The following ABL2 variants were observed in gnomAD, a reference collection of about 807,000 sequenced individuals.
ABL2 encodes tyrosine-protein kinase ABL2.
In ABL2, 49 loss-of-function variants were observed where a neutral mutation model predicts 107.7. The observed-to-expected ratio is 0.45, with a 90% confidence interval of 0.36 to 0.58. ABL2 has a LOEUF of 0.58. Ranked by LOEUF, ABL2 falls within the 20% of genes least tolerant of loss-of-function variation. The pLI, the probability that ABL2 is intolerant of heterozygous loss-of-function variation, is 0.00. For missense variants in ABL2, 1,245 were observed against 1,457.0 expected, an observed-to-expected ratio of 0.85 and a Z score of 2.37; for synonymous variants, 549 against 548.6, an observed-to-expected ratio of 1.00 and a Z score of -0.01.
At chr1:179,123,095 G>A (rs749241393) in intron 4 of ABL2, among the ~76,000 whole-genome samples, 4 of 152,252 alleles carry the variant, frequency 2.6e-5, no homozygotes, top group Middle Eastern at 3.4e-3. Context: ...CCTTAATCTT[G>A]TAAAAAACAT....
chr1:179,197,572 A>T (rs893673722), intron 1 of ABL2, among the ~76,000 whole-genome samples: 3 of 151,446 alleles, frequency 2.0e-5, no homozygotes, highest in Non-Finnish European at 2.9e-5. Flanking sequence ...AAAAAAAAAA[A>T]AATTAAAAAA....
rs1653137755 is a variant in ABL2 at position 179,102,003 on chromosome 1, T to TTTTTTTTTTTTTTTTC, written c.*5714_*5715insGAAAAAAAAAAAAAAA. ...AGCTTTGCATTAGAATTTCTTTTTT[T>TTTTTTTTTTTTTTTTC]TTTTTTTTTTTTTTTTTTTTTTTTT... On this transcript the variant is annotated 3_prime_UTR_variant, in exon 12 of 12. Transcript: ENST00000502732. 1 of 27,400 alleles carries TTTTTTTTTTTTTTTTC rather than the reference T, an allele frequency of 3.6e-5. No individual in the cohort carries two copies. Among genetic ancestry groups the TTTTTTTTTTTTTTTTC allele is most frequent in the Non-Finnish European group, 7.1e-5 (1 of 14,040 alleles). The allele number at this position is 27,400 out of a possible 1,614,324, so 1.7% of individuals were successfully genotyped here.
At chr1:179,223,109 CAAAAAAAAAAAA>C (rs35137729) in intron 1 of ABL2, among the ~76,000 whole-genome samples, 2 of 69,276 alleles carry the variant, frequency 2.9e-5, no homozygotes, top group African/African-American at 1.3e-4. Context: ...GGCTCCCTCT[CAAAAAAAAAAAA>C]AAAAAAAAAA....
chr1:179,125,872 T>C (rs1655679625), intron 4 of ABL2, among the ~76,000 whole-genome samples: 1 of 152,264 alleles, frequency 6.6e-6, no homozygotes, highest in Non-Finnish European at 1.5e-5. Context: ...GTAAACACAC[T>C]GTAACACATC....
intron 4 of ABL2, among the ~76,000 whole-genome samples, chr1:179,124,670 T>C (rs1655575386): frequency 6.6e-6 from 1 of 152,014 alleles, no homozygotes; most frequent in Non-Finnish European, 1.5e-5. Context: ...GGTTTCACCA[T>C]GTTTGTGGGG....
Position 179,188,485 on chromosome 1 carries a change from T to C in ABL2, c.157+40756A>G, listed in dbSNP as rs114572578. Among the ~76,000 whole-genome samples the C allele has an allele frequency of 5.3e-3, 797 of 150,592 alleles. 7 individuals are homozygous for C. Among genetic ancestry groups the C allele is most frequent in the African/African-American group, 0.018 (754 of 40,916 alleles). On this transcript the variant is annotated intron_variant, in intron 1 of 11. Coordinates refer to ENST00000502732, the MANE Select transcript of ABL2 (RefSeq NM_007314.4). ...TTGTTTGAACGCGGGAGGTAGAGGT[T>C]GCAGTAAGCCGAGATCACACCACCA...
chr1:179,122,315 G>T (rs962419761), intron 4 of ABL2, among the ~76,000 whole-genome samples: 1 of 150,494 alleles, frequency 6.6e-6, no homozygotes, highest in Admixed American at 6.6e-5. Flanking sequence ...TGCAGACAGG[G>T]TCTCACTATT....
At chr1:179,218,349 C>T (rs1049990666) in intron 1 of ABL2, among the ~76,000 whole-genome samples, 4 of 152,192 alleles carry the variant, frequency 2.6e-5, no homozygotes, top group African/African-American at 9.7e-5. Flanking sequence ...AGAGTTAGTA[C>T]ATTACATCCT....
intron 1 of ABL2, among the ~76,000 whole-genome samples, chr1:179,150,997 A>AT (rs1389512688): frequency 2.6e-5 from 4 of 152,166 alleles, no homozygotes; most frequent in Non-Finnish European, 4.4e-5. Context: ...GCAATGAAGT[A>AT]TTTTTTAATT....
Position 179,104,212 on chromosome 1 carries a change from T to A in ABL2, c.*3506A>T. 4.3e-6 allele frequency: 1 copy of A among 230,650 alleles called. No homozygotes were observed. The highest frequency in any genetic ancestry group is 6.2e-5 in the East Asian group (1 of 16,244). The allele number at this position is 230,650 out of a possible 1,614,324, so 14.3% of individuals were successfully genotyped here. The stretch of plus-strand genomic sequence containing the variant: ...TCTCATTTAATCCTTACAACAACCC[T>A]GAGGTAGTTACTATTATTATCCCTG... On this transcript the variant is annotated 3_prime_UTR_variant, in exon 12 of 12. Transcript: ENST00000502732.
rs75331243 is a variant in ABL2 at position 179,206,885 on chromosome 1, A to G, written c.157+22356T>C. 5.3e-3 allele frequency among the ~76,000 whole-genome samples: 801 copies of G among 152,370 alleles called. 7 individuals are homozygous for G. Among genetic ancestry groups the G allele is most frequent in the African/African-American group, 0.018 (758 of 41,594 alleles). ...TTGATAAAGGAGCTGAGCAGCCATT[A>G]CACTCCACATACAAGCTGAAACTGA... On this transcript the variant is annotated intron_variant, in intron 1 of 11. Coordinates refer to ENST00000502732, the MANE Select transcript of ABL2 (RefSeq NM_007314.4).
intron 1 of ABL2, among the ~76,000 whole-genome samples, chr1:179,135,898 C>T (rs1656894250): frequency 6.8e-6 from 1 of 146,596 alleles, no homozygotes. Context: ...GCCCGGCCGC[C>T]CCTACTGGGA....
chr1:179,223,109 C>CAAAA (rs35137729), intron 1 of ABL2, among the ~76,000 whole-genome samples: 3 of 69,242 alleles, frequency 4.3e-5, no homozygotes, highest in Admixed American at 1.8e-4. Context: ...GGCTCCCTCT[C>CAAAA]AAAAAAAAAA....
chr1:179,142,035 T>C (rs1032149770), intron 1 of ABL2, among the ~76,000 whole-genome samples: 2 of 152,228 alleles, frequency 1.3e-5, no homozygotes. Context: ...AAGACAGACA[T>C]GTCTGGATGA....
At position 179,107,506 on chromosome 1, in the gene ABL2, C is replaced by T. The variant is rs145302468; in HGVS notation, c.*212G>A. On this transcript the variant is annotated 3_prime_UTR_variant, in exon 12 of 12. Transcript: ENST00000502732. Reference sequence around the variant, plus strand: ...TCCAACCCTGTCCACTACTGCCTTGCCCCCACTTAATTTACCTCTCCTATA... The same window carrying T: ...TCCAACCCTGTCCACTACTGCCTTGTCCCCACTTAATTTACCTCTCCTATA... The T allele has an allele frequency of 1.3e-5, 12 of 908,924 alleles. No individual in the cohort carries two copies. The highest frequency in any genetic ancestry group is 3.3e-5 in the African/African-American group (2 of 59,860). 56.3% of individuals were successfully genotyped at this position (908,924 alleles called of 1,614,324 possible). A position where few individuals can be genotyped will look rare whatever the true frequency, so the allele number is the denominator to read the frequency against.
Position 179,104,777 on chromosome 1 carries a change from C to T in ABL2, c.*2941G>A. On this transcript the variant is annotated 3_prime_UTR_variant, in exon 12 of 12. Transcript: ENST00000502732. ...GAATCAAGCAGTGGCAGCCCAAAGG[C>T]ATGCATCCAGATATACAGCATAACC... is the stretch of plus-strand genomic sequence containing the variant. The T allele has an allele frequency of 4.6e-6, 1 of 218,640 alleles. No homozygotes were observed. The highest frequency in any genetic ancestry group is 9.2e-6 in the Non-Finnish European group (1 of 108,868). 13.5% of individuals were successfully genotyped at this position (218,640 alleles called of 1,614,324 possible).
At chr1:179,136,258 G>A (rs2102686688) in intron 1 of ABL2, among the ~76,000 whole-genome samples, 1 of 151,766 alleles carries the variant, frequency 6.6e-6, no homozygotes, top group Admixed American at 6.6e-5. Context: ...GCGGTTTTGT[G>A]GAATAGAAAG....
Position 179,108,283 on chromosome 1 carries a change from T to G in ABL2, c.2984A>C (p.His995Pro), listed in dbSNP as rs932520617. 1 of 1,613,908 alleles carries G rather than the reference T, an allele frequency of 6.2e-7. No homozygotes were observed. The highest frequency in any genetic ancestry group is 8.5e-7 in the Non-Finnish European group (1 of 1,180,002). The change falls in exon 12 of 12, where the codon CAT becomes CCT. Residue 995 changes from histidine to proline, a missense_variant. By Grantham distance (77) the His-to-Pro change is moderately conservative. Transcript: ENST00000502732. ...TGTAGGGTCTGAGCAGATGGACGGA[T>G]GCTGCAGTAGTCTCATCACTGGTGG... ...PPPPVMRLLQ[H>P]PSICSDPTEE... is the part of the protein sequence containing the mutation.
At chr1:179,224,660 C>T (rs1316880981) in intron 1 of ABL2, among the ~76,000 whole-genome samples, 1 of 152,030 alleles carries the variant, frequency 6.6e-6, no homozygotes, top group Admixed American at 6.6e-5. Flanking sequence ...AGATATTCAA[C>T]AGCAAGTAAG....
Sources: gnomAD v4.1 joint callset for allele counts (sites outside exome capture counted in the v4.1 genomes callset) on GRCh38, gnomAD v4.1.1 for gene constraint, MANE v1.5 for transcripts, NCBI Gene and HGNC (gene_info 2026-07-23, HGNC 2026-07-21) for gene names.